Variants in ERCC2 observed in about 807,000 individuals in gnomAD.
ERCC2 encodes the protein ERCC excision repair 2, TFIIH core complex helicase subunit.
Under a neutral mutation model 99.4 loss-of-function variants are expected in ERCC2, and 90 were observed. The ratio of observed to expected loss-of-function variants is 0.91; its 90% confidence interval spans 0.76 to 1.08. ERCC2 has a LOEUF of 1.08. ERCC2 is among the 50% of genes least tolerant of loss of function. The probability of loss-of-function intolerance (pLI) is 0.00; values close to 1 mark genes in which losing one functional copy is unlikely to be tolerated. For synonymous variants in ERCC2, 497 were observed against 432.4 expected (o/e 1.15, Z -1.85); for missense variants, 993 against 1,038.1 (o/e 0.96, Z 0.60).
chr19:45,352,714 T>C (rs372462756), intron 20 of ERCC2, 32 bp downstream of exon 20: 9 of 1,613,804 alleles, frequency 5.6e-6, no homozygotes, highest in African/African-American at 5.3e-5. Context: ...ATCCTAACAC[T>C]GTGGGACTCC....
rs1445936046 is a variant in ERCC2, at chr19:45,361,530, C to T, written c.1231G>A (p.Ala411Thr). ...ANFATLVSTYAKGFTIIIEPF... is the reference protein window; with the variant it reads ...ANFATLVSTYTKGFTIIIEPF... Reference sequence around the variant, plus strand: ...CAGAAAAAGGTGAGCTTACCTTTGGCGTAGGTGCTGACAAGGGTGGCAAAG... The same window carrying T: ...CAGAAAAAGGTGAGCTTACCTTTGGTGTAGGTGCTGACAAGGGTGGCAAAG... The change falls in exon 12 of 23, where the codon GCC becomes ACC. Residue 411 changes from alanine to threonine, a missense_variant. Ala to Thr is a moderately conservative substitution (Grantham distance 58, BLOSUM62 0). Coordinates refer to ENST00000391945, the MANE Select transcript of ERCC2 (RefSeq NM_000400.4). 11 of 1,611,392 alleles carry T rather than the reference C, an allele frequency of 6.8e-6. No individual in the cohort carries two copies. The highest frequency in any genetic ancestry group is 5.5e-5 in the South Asian group (5 of 91,024).
At position 45,352,245 on chromosome 19, in the gene ERCC2, C is replaced by T. The variant is rs1253186971; in HGVS notation, c.2154G>A (p.Lys718=). 6.2e-7 allele frequency: 1 copy of T among 1,614,108 alleles called. No homozygotes were observed. The part of the protein sequence containing the change: ...LTVDEGVQVA[K]YFLRQMAQPF... ...GCTGTGCCATCTGCCGCAGGAAGTACTTGGCCACCTGGACACCCTCGTCCA... is the reference window on the plus strand; with the variant it reads ...GCTGTGCCATCTGCCGCAGGAAGTATTTGGCCACCTGGACACCCTCGTCCA... The change falls in exon 22 of 23, where the codon AAG becomes AAA. Residue 718 remains lysine (K), a synonymous_variant. Transcript: ENST00000391945.
At chr19:45,352,103 CAGGAGGACAGGCAGGCTGAGGGT>C (rs1214435657) in intron 22 of ERCC2, 83 bp downstream of exon 22, 14 of 1,288,972 alleles carry the variant, frequency 1.1e-5, no homozygotes, top group African/African-American at 1.5e-5. Context: ...TTGCTGAGGG[CAGGAGGACAGGCAGGCTGAGGGT>C]GGGGAGTGGG....
rs1481383524 is a variant in ERCC2 at position 45,370,157 on chromosome 19, C to T, written c.81G>A (p.Glu27=). 1.2e-6 allele frequency: 2 copies of T among 1,613,178 alleles called. No homozygotes were observed. The highest frequency in any genetic ancestry group is 1.7e-6 in the Non-Finnish European group (2 of 1,179,412). The change falls in exon 2 of 23, where the codon GAG becomes GAA. Residue 27 remains glutamate, a synonymous_variant. Transcript: ENST00000391945. The stretch of plus-strand genomic sequence containing the variant: ...CCTTGGCGTCCAGCGTGCGTTTGAG[C>T]TCCCGCATGTAGGAGAACTGCTCGG... ...IYPEQFSYMR[E]LKRTLDAKGH...
rs929447513 is a variant in ERCC2 at position 45,357,267 on chromosome 19, C to T, written c.1479+3G>A. The T allele has an allele frequency of 1.1e-5, 18 of 1,609,106 alleles. No homozygotes were observed. Among genetic ancestry groups the T allele is most frequent in the Non-Finnish European group, 1.4e-5 (16 of 1,176,024 alleles). On this transcript the variant is annotated splice_donor_region_variant and intron_variant, in intron 15 of 22. Transcript: ENST00000391945. ...GGCCCCAGCCCTAGCCTCTCCCACT[C>T]ACCATAGGGCAGAGGCAGACCCGTG... is the stretch of plus-strand genomic sequence containing the variant.
At chr19:45,363,081 C>A (rs1972281410) in intron 11 of ERCC2, among the ~76,000 whole-genome samples, 1 of 152,144 alleles carries the variant, frequency 6.6e-6, no homozygotes, top group South Asian at 2.1e-4. Context: ...ACTCCTTGGC[C>A]ATTTTACAAA....
chr19:45,370,300 T>C, intron 1 of ERCC2, 68 bp from the exon 2 acceptor site: 4 of 1,585,324 alleles, frequency 2.5e-6, no homozygotes, highest in Non-Finnish European at 3.4e-6. Context: ...CAGTGCCCGG[T>C]CGTCGAGCCC....
intron 17 of ERCC2, among the ~76,000 whole-genome samples, chr19:45,353,634 A>T (rs965138188): frequency 6.6e-6 from 1 of 152,192 alleles, no homozygotes; most frequent in Non-Finnish European, 1.5e-5. Context: ...AGGCAGAGCC[A>T]ATCAGAGGCT....
In ERCC2 at chr19:45,350,029, T is replaced by C; in HGVS notation, c.*1600A>G. The C allele has an allele frequency of 2.2e-6, 1 of 452,232 alleles. No homozygotes were observed. Among genetic ancestry groups the C allele is most frequent in the Non-Finnish European group, 4.0e-6 (1 of 250,984 alleles). 28.0% of individuals were successfully genotyped at this position (452,232 alleles called of 1,614,324 possible). On this transcript the variant is annotated 3_prime_UTR_variant, in exon 23 of 23. Transcript: ENST00000391945. ...ACAGGCTCAGAAACAGGAGGCTGCC[T>C]GTCCTCCATCCCCAGGGCAGGAAGT...
intron 22 of ERCC2, 44 bp downstream of exon 22, chr19:45,352,165 A>C (rs370125464): frequency 2.5e-5 from 40 of 1,607,556 alleles, no homozygotes; most frequent in Admixed American, 1.7e-4. Flanking sequence ...TCTGGAGGAG[A>C]AGCTCAGCCT....
chr19:45,369,038 G>C, intron 3 of ERCC2, 32 bp downstream of exon 3: 1 of 1,613,948 alleles, frequency 6.2e-7, no homozygotes, highest in Non-Finnish European at 8.5e-7. Flanking sequence ...CCCTTCCTTT[G>C]TCTGCCTTTA....
intron 12 of ERCC2, among the ~76,000 whole-genome samples, chr19:45,360,304 G>C (rs1389501594): frequency 1.3e-5 from 2 of 150,110 alleles, no homozygotes; most frequent in African/African-American, 2.5e-5. Flanking sequence ...GGATGGTCTT[G>C]ATCTCCTGAC....
chr19:45,363,708 CG>C, intron 11 of ERCC2, 34 bp downstream of exon 11: 1 of 1,520,038 alleles, frequency 6.6e-7, no homozygotes, highest in Non-Finnish European at 8.8e-7. Context: ...CGGGACCTGC[CG>C]GGCCCCCACC....
rs1971782778 is a variant in ERCC2 at position 45,351,631 on chromosome 19, A to G, written c.2281T>C (p.Ter761ArgextTer7). Residue 761 changes from the stop codon to arginine (R), a stop_lost, in exon 23 of 23, where the codon TGA (stop) becomes CGA (arginine). Coordinates refer to ENST00000391945, the MANE Select transcript of ERCC2 (RefSeq NM_000400.4). ...KRIEQIAQQL* is the reference protein window; with the variant it reads ...KRIEQIAQQLR ...GTTTATGGCCCCACCCGCCCCACTC[A>G]GAGCTGCTGAGCAATCTGCTCTATC... 2 of 1,613,844 alleles carry G rather than the reference A, an allele frequency of 1.2e-6. No homozygotes were observed. The highest frequency in any genetic ancestry group is 1.7e-5 in the Admixed American group (1 of 60,006).
At chr19:45,370,443 GC>G in intron 1 of ERCC2, 92 bp downstream of exon 1, 2 of 934,722 alleles carry the variant, frequency 2.1e-6, no homozygotes, top group Non-Finnish European at 2.7e-6. Flanking sequence ...CCCTCCCCTC[GC>G]CCCCTTGGGG....
At chr19:45,370,257 G>C in intron 1 of ERCC2, 25 bp from the exon 2 acceptor site, 1 of 1,611,536 alleles carries the variant, frequency 6.2e-7, no homozygotes, top group Non-Finnish European at 8.5e-7. Flanking sequence ...TGCTGGGTCA[G>C]TTCCCGTCCC....
intron 12 of ERCC2, chr19:45,358,671 T>C (rs903938813): frequency 1.6e-6 from 1 of 630,872 alleles, no homozygotes; most frequent in Non-Finnish European, 2.9e-6. Flanking sequence ...CTCCATTTGG[T>C]CATCTGAGAC....
In ERCC2 at chr19:45,354,804, C is replaced by T. The variant is rs749852903; in HGVS notation, c.1591G>A (p.Val531Ile). ...AAGAAGGCCACGATGCCATCAGGGA[C>T]CACAGCGGACATCTCCAGCAGGAGG... ...GNLLLEMSAV[V>I]PDGIVAFFTS... Residue 531 changes from valine (V) to isoleucine (I), a missense_variant, in exon 17 of 23, where the codon GTC (valine) becomes ATC (isoleucine). Transcript: ENST00000391945. The T allele has an allele frequency of 3.7e-6, 6 of 1,614,010 alleles. No homozygotes were observed. The highest frequency in any genetic ancestry group is 5.1e-6 in the Non-Finnish European group (6 of 1,179,996).
Position 45,351,615 on chromosome 19 carries a change from C to T in ERCC2, c.*14G>A. ...GGAGTCACCAGGAACCGTTTATGGCCCCACCCGCCCCACTCAGAGCTGCTG... is the reference window on the plus strand; with the variant it reads ...GGAGTCACCAGGAACCGTTTATGGCTCCACCCGCCCCACTCAGAGCTGCTG... On this transcript the variant is annotated 3_prime_UTR_variant, in exon 23 of 23. Coordinates refer to ENST00000391945, the MANE Select transcript of ERCC2 (RefSeq NM_000400.4). 6.2e-7 allele frequency: 1 copy of T among 1,613,488 alleles called. No individual in the cohort carries two copies. The highest frequency in any genetic ancestry group is 8.5e-7 in the Non-Finnish European group (1 of 1,179,768).
Sources: allele counts gnomAD v4.1 joint callset (sites outside exome capture counted in the v4.1 genomes callset), GRCh38; gene constraint gnomAD v4.1.1; transcripts MANE v1.5; gene names NCBI Gene and HGNC (gene_info 2026-07-23, HGNC 2026-07-21).